Variants in LTBP3 observed in about 807,000 individuals in gnomAD.
LTBP3 encodes latent transforming growth factor beta binding protein 3.
A neutral mutation model predicts 159.7 loss-of-function variants in LTBP3; 97 were observed. The observed-to-expected ratio is 0.61, with a 90% confidence interval of 0.52 to 0.72. The LOEUF (loss-of-function observed/expected upper bound fraction) is 0.72. LTBP3 is among the 30% of genes least tolerant of loss of function. The pLI is 0.00. For missense variants in LTBP3, 1,584 were observed against 1,864.3 expected (o/e 0.85, Z 2.77); for synonymous variants, 824 against 777.1 (o/e 1.06, Z -1.00).
rs781562741 is a variant in LTBP3 at position 65,546,826 on chromosome 11, G to C, written c.2202C>G (p.Tyr734Ter). The C allele has an allele frequency of 1.2e-6, 2 of 1,608,526 alleles. No homozygotes were observed. Among genetic ancestry groups the C allele is most frequent in the Admixed American group, 3.3e-5 (2 of 60,026 alleles). ...SFKCIACQPG[Y>*]RSQGGGACRD... is the part of the protein sequence containing the mutation. ...GACAGGCCCCGCCCCCCTGGCTGCG[G>C]TAGCCAGGCTGACAGGCGATGCACT... Residue 734 changes from tyrosine to a stop codon, truncating the protein, a stop_gained, in exon 15 of 28, where the codon TAC becomes TAG. Transcript: ENST00000301873. LOFTEE classifies it high-confidence loss of function. The surrounding 1 kb of genome is among the most constrained non-coding windows in gnomAD (Gnocchi z 4.0).
chr11:65,540,322 C>T lies in LTBP3; in HGVS notation c.3167G>A (p.Gly1056Asp). The T allele has an allele frequency of 6.4e-7, 1 of 1,574,332 alleles. No homozygotes were observed. Among genetic ancestry groups the T allele is most frequent in the Non-Finnish European group, 8.6e-7 (1 of 1,160,806 alleles). ...GGGCGTGCAGGCACAGCGGTAGCCG[C>T]CGCGCGTGTTCTCACACACTCCGTT... ...CRNGVCENTR[G>D]GYRCACTPPA... The change falls in exon 23 of 28, where the codon GGC becomes GAC. Residue 1056 changes from glycine to aspartate, a missense_variant. This residue lies in a region of LTBP3 where 514 missense variants were observed against 530.3 expected (regional missense o/e 0.97). Transcript: ENST00000301873.
rs1420231832 is a variant in LTBP3 at position 65,540,725 on chromosome 11, C to CGGGGCCTACAGGAGGGGT, written c.2978-112_2978-111insACCCCTCCTGTAGGCCCC. 6.5e-5 allele frequency: 86 copies of CGGGGCCTACAGGAGGGGT among 1,326,002 alleles called. 1 individual carries two copies. The East Asian group carries it at 1.6e-3, about 25-fold the overall frequency. 82.1% of individuals were successfully genotyped at this position (1,326,002 alleles called of 1,614,324 possible). On this transcript the variant is annotated intron_variant, in intron 21 of 27. Transcript: ENST00000301873. ...CCCCGGGCGGGGCCTACAGGAGGGG[C>CGGGGCCTACAGGAGGGGT]GGGGCCTACAGGGCGGGGCCTGCGA...
chr11:65,552,020 C>G lies in LTBP3; in HGVS notation c.1483G>C (p.Glu495Gln), dbSNP rs1225515003. Reference protein sequence around the residue: ...DGPPKPQQLPESPSQAPPPED... With the variant: ...DGPPKPQQLPQSPSQAPPPED... Reference sequence around the variant, plus strand: ...GGTGGTGGAGCCTGGCTAGGGCTCTCCGGAAGCTGCTGGGGCTTGGGTGGC... The same window carrying G: ...GGTGGTGGAGCCTGGCTAGGGCTCTGCGGAAGCTGCTGGGGCTTGGGTGGC... Residue 495 changes from glutamate (E) to glutamine (Q), a missense_variant, in exon 8 of 28, where the codon GAG (glutamate) becomes CAG (glutamine). Coordinates refer to ENST00000301873, the MANE Select transcript of LTBP3 (RefSeq NM_001130144.3). This position sits in a 1 kb window ranked among gnomAD's most constrained non-coding sequence, Gnocchi z 6.0. The G allele has an allele frequency of 6.2e-7, 1 of 1,613,950 alleles. No homozygotes were observed. The highest frequency in any genetic ancestry group is 1.3e-5 in the African/African-American group (1 of 74,960).
chr11:65,546,463 G>A lies in LTBP3; in HGVS notation c.2332C>T (p.Pro778Ser). 6.3e-7 allele frequency: 1 copy of A among 1,577,234 alleles called. No individual in the cohort carries two copies. The highest frequency in any genetic ancestry group is 1.1e-5 in the South Asian group (1 of 88,176). The change falls in exon 16 of 28, where the codon CCC becomes TCC. Residue 778 changes from proline (P) to serine (S), a missense_variant. Pro to Ser is a moderately conservative substitution (Grantham distance 74). Coordinates refer to ENST00000301873, the MANE Select transcript of LTBP3 (RefSeq NM_001130144.3). This position sits in a 1 kb window ranked among gnomAD's most constrained non-coding sequence, Gnocchi z 4.0. ...CTCAQGYAPA[P>S]DGRSCLDVDE... Reference sequence around the variant, plus strand: ...TCACCCAAGCAACTGCGGCCGTCGGGCGCGGGCGCGTAGCCCTGGGCACAG... The same window carrying A: ...TCACCCAAGCAACTGCGGCCGTCGGACGCGGGCGCGTAGCCCTGGGCACAG...
Position 65,538,881 on chromosome 11 carries a change from G to T in LTBP3, c.*199C>A. On this transcript the variant is annotated 3_prime_UTR_variant, in exon 28 of 28. Coordinates refer to ENST00000301873, the MANE Select transcript of LTBP3 (RefSeq NM_001130144.3). ...ACCCTCTGGGAGGAAGGCAGGCAGCGCCCGCCGGAGACCTTACAACCGCCC... is the reference window on the plus strand; with the variant it reads ...ACCCTCTGGGAGGAAGGCAGGCAGCTCCCGCCGGAGACCTTACAACCGCCC... 1 of 1,030,932 alleles carries T rather than the reference G, an allele frequency of 9.7e-7. No homozygotes were observed. Among genetic ancestry groups the T allele is most frequent in the Non-Finnish European group, 1.3e-6 (1 of 769,550 alleles). 63.9% of individuals were successfully genotyped at this position (1,030,932 alleles called of 1,614,324 possible). A position where few individuals can be genotyped will look rare whatever the true frequency, so the allele number is the denominator to read the frequency against.
chr11:65,551,084 G>A, intron 11 of LTBP3, 42 bp downstream of exon 11: 1 of 1,492,084 alleles, frequency 6.7e-7, no homozygotes, highest in Non-Finnish European at 9.1e-7. Context: ...CTAAAGTGGG[G>A]GCGTGGCCTA....
In LTBP3 at chr11:65,553,318, G is replaced by C; in HGVS notation, c.971-62C>G. 1 of 1,276,590 alleles carries C rather than the reference G, an allele frequency of 7.8e-7. No individual in the cohort carries two copies. Among genetic ancestry groups the C allele is most frequent in the South Asian group, 1.2e-5 (1 of 85,116 alleles). 79.1% of individuals were successfully genotyped at this position (1,276,590 alleles called of 1,614,324 possible). A position where few individuals can be genotyped will look rare whatever the true frequency, so the allele number is the denominator to read the frequency against. On this transcript the variant is annotated intron_variant, in intron 4 of 27. Coordinates refer to ENST00000301873, the MANE Select transcript of LTBP3 (RefSeq NM_001130144.3). This position sits in a 1 kb window ranked among gnomAD's most constrained non-coding sequence, Gnocchi z 6.5. ...GAGGGAACTGGGGAGGGGCACAGCA[G>C]ATGTAGAGAGGAATCTGGTGACCTG...
chr11:65,541,021 G>A (rs1856112167), intron 20 of LTBP3, 67 bp from the exon 21 acceptor site: 3 of 1,581,086 alleles, frequency 1.9e-6, no homozygotes, highest in Non-Finnish European at 2.6e-6. Context: ...GCTTAGGGCT[G>A]CAGCCCGCCG....
At chr11:65,551,325 GA>G in intron 10 of LTBP3, 76 bp downstream of exon 10, 1 of 1,562,306 alleles carries the variant, frequency 6.4e-7, no homozygotes, top group Non-Finnish European at 8.7e-7. Flanking sequence ...GACTGTCCCC[GA>G]GTACTTAAAC....
Position 65,547,708 on chromosome 11 carries a change from C to G in LTBP3, c.1960G>C (p.Gly654Arg). 6.2e-7 allele frequency: 1 copy of G among 1,605,464 alleles called. No homozygotes were observed. Among genetic ancestry groups the G allele is most frequent in the Non-Finnish European group, 8.5e-7 (1 of 1,177,566 alleles). The change falls in exon 13 of 28, where the codon GGG (glycine) becomes CGG (arginine). Residue 654 changes from glycine (G) to arginine (R), a missense_variant. Coordinates refer to ENST00000301873, the MANE Select transcript of LTBP3 (RefSeq NM_001130144.3). This position sits in a 1 kb window ranked among gnomAD's most constrained non-coding sequence, Gnocchi z 4.6. ...CGCTCACCCACGCACGAGCGCCCCC[C>G]GGCGCCCACGTGCAGGCGGTAGCCG... ...NRGYRLHVGA[G>R]GRSCVDLNEC... is the part of the protein sequence containing the mutation.
chr11:65,548,246 C>T, intron 11 of LTBP3: 2 of 727,228 alleles, frequency 2.8e-6, no homozygotes, highest in South Asian at 1.7e-5. Context: ...GACTCCAGGC[C>T]CCTGACAGCC....
At position 65,539,428 on chromosome 11, in the gene LTBP3, C is replaced by T. The variant is rs1220570007; in HGVS notation, c.3660G>A (p.Glu1220=). 6.4e-7 allele frequency: 1 copy of T among 1,554,462 alleles called. No individual in the cohort carries two copies. Among genetic ancestry groups the T allele is most frequent in the Admixed American group, 1.9e-5 (1 of 51,378 alleles). ...DEDSSEEDSD[E]CRCVSGRCVP... ...CGCAGCGGCCACTCACGCAGCGACA[C>T]TCGTCTGAATCCTCCTCTGAACTGT... Residue 1220 remains glutamate (E), a synonymous_variant, in exon 27 of 28, where the codon GAG becomes GAA. Coordinates refer to ENST00000301873, the MANE Select transcript of LTBP3 (RefSeq NM_001130144.3).
chr11:65,540,271 C>T lies in LTBP3; in HGVS notation c.3218G>A (p.Arg1073His), dbSNP rs940533065. 2 of 1,553,140 alleles carry T rather than the reference C, an allele frequency of 1.3e-6. No homozygotes were observed. The highest frequency in any genetic ancestry group is 1.7e-6 in the Non-Finnish European group (2 of 1,148,272). ...CATCTCTTCCGGGCTCAGGCACTGG[C>T]GCTGCGCGGGACTGTACTCGGCAGG... ...TPPAEYSPAQRQCLSPEEMDV... is the reference protein window; with the variant it reads ...TPPAEYSPAQHQCLSPEEMDV... Residue 1073 changes from arginine (R) to histidine (H), a missense_variant, in exon 23 of 28, where the codon CGC becomes CAC. By Grantham distance (29) the Arg-to-His change is conservative. This residue lies in a region of LTBP3 where 514 missense variants were observed against 530.3 expected (regional missense o/e 0.97). Coordinates refer to ENST00000301873, the MANE Select transcript of LTBP3 (RefSeq NM_001130144.3).
rs2135152288 is a variant in LTBP3, at chr11:65,551,465, C to T, written c.1558G>A (p.Glu520Lys). Residue 520 changes from glutamate (E) to lysine (K), a missense_variant, in exon 10 of 28, where the codon GAG becomes AAG. This residue lies in a region of LTBP3 where 565 missense variants were observed against 677.7 expected (regional missense o/e 0.83). Coordinates refer to ENST00000301873, the MANE Select transcript of LTBP3 (RefSeq NM_001130144.3). ...RGVTTDSPVS[E>K]ERSVQQSHPT... is the part of the protein sequence containing the mutation. Reference sequence around the variant, plus strand: ...TGGCTCTGCTGCACTGACCTCTCCTCACTCACCGGCTGCGGGTGACAGCAG... The same window carrying T: ...TGGCTCTGCTGCACTGACCTCTCCTTACTCACCGGCTGCGGGTGACAGCAG... 2 of 1,614,042 alleles carry T rather than the reference C, an allele frequency of 1.2e-6. No homozygotes were observed. Among genetic ancestry groups the T allele is most frequent in the African/African-American group, 1.3e-5 (1 of 75,030 alleles).
At position 65,547,345 on chromosome 11, in the gene LTBP3, G is replaced by T; in HGVS notation, c.2107+94C>A. 1 of 1,326,796 alleles carries T rather than the reference G, an allele frequency of 7.5e-7. No homozygotes were observed. The highest frequency in any genetic ancestry group is 1.2e-5 in the South Asian group (1 of 80,314). 82.2% of individuals were successfully genotyped at this position (1,326,796 alleles called of 1,614,324 possible). ...GGCGACAGAGTGAGACTCCGTCTCG[G>T]GGGAAAAAAAAAAAAATGCAGGCAC... On this transcript the variant is annotated intron_variant, in intron 14 of 27. Transcript: ENST00000301873. This position sits in a 1 kb window ranked among gnomAD's most constrained non-coding sequence, Gnocchi z 4.6.
At position 65,538,672 on chromosome 11, in the gene LTBP3, C is replaced by CATA. The variant is rs753938828; in HGVS notation, c.*405_*407dup. On this transcript the variant is annotated 3_prime_UTR_variant, in exon 28 of 28. Coordinates refer to ENST00000301873, the MANE Select transcript of LTBP3 (RefSeq NM_001130144.3). ...GCCCAGCCAGGCCATCTCACGTGTA[C>CATA]ATAATCAGAGCCACAATAAATTCTA... 6.3e-4 allele frequency: 824 copies of CATA among 1,309,266 alleles called. No homozygotes were observed. Among genetic ancestry groups the CATA allele is most frequent in the Non-Finnish European group, 8.0e-4 (779 of 970,224 alleles). 81.1% of individuals were successfully genotyped at this position (1,309,266 alleles called of 1,614,324 possible). A position where few individuals can be genotyped will look rare whatever the true frequency, so the allele number is the denominator to read the frequency against.
chr11:65,554,043 C>T lies in LTBP3; in HGVS notation c.661+8G>A. ...GCGACCTTCCCGGGTTTGCCAGTTG[C>T]CTGGTACCTTCTGCTGAGATCTGTC... On this transcript the variant is annotated splice_region_variant and intron_variant, in intron 2 of 27. Coordinates refer to ENST00000301873, the MANE Select transcript of LTBP3 (RefSeq NM_001130144.3). This position sits in a 1 kb window ranked among gnomAD's most constrained non-coding sequence, Gnocchi z 5.3. 3.7e-6 allele frequency: 6 copies of T among 1,600,428 alleles called. No homozygotes were observed. The highest frequency in any genetic ancestry group is 5.1e-6 in the Non-Finnish European group (6 of 1,179,244).
chr11:65,553,223 C>A lies in LTBP3; in HGVS notation c.1004G>T (p.Gly335Val). The change falls in exon 5 of 28, where the codon GGG (glycine) becomes GTG (valine). Residue 335 changes from glycine (G) to valine (V), a missense_variant. Gly to Val is a moderately radical substitution (Grantham distance 109). Transcript: ENST00000301873. This position sits in a 1 kb window ranked among gnomAD's most constrained non-coding sequence, Gnocchi z 6.5. ...TGVQKPGPVR[G>V]EVGADCPQGY... ...CTGGGGACAGTCAGCGCCCACTTCC[C>A]CACGTACAGGCCCTGGCTTCTGCAC... is the stretch of plus-strand genomic sequence containing the variant. 6.2e-7 allele frequency: 1 copy of A among 1,614,142 alleles called. No homozygotes were observed. The highest frequency in any genetic ancestry group is 8.5e-7 in the Non-Finnish European group (1 of 1,180,022).
rs1856653712 is a variant in LTBP3 at position 65,552,686 on chromosome 11, T to G, written c.1186+174A>C. Among the ~76,000 whole-genome samples, 1 of 152,182 alleles carries G rather than the reference T, an allele frequency of 6.6e-6. No individual in the cohort carries two copies. The highest frequency in any genetic ancestry group is 2.1e-4 in the South Asian group (1 of 4,830). On this transcript the variant is annotated intron_variant, in intron 6 of 27. Coordinates refer to ENST00000301873, the MANE Select transcript of LTBP3 (RefSeq NM_001130144.3). This position sits in a 1 kb window ranked among gnomAD's most constrained non-coding sequence, Gnocchi z 6.0. ...TATGTAATCCCTGACCCCATGTGAC[T>G]GCTAATGGCAGATCTCATGTGACCC... is the stretch of plus-strand genomic sequence containing the variant.
Sources: gnomAD v4.1 joint callset for allele counts (sites outside exome capture counted in the v4.1 genomes callset) on GRCh38, gnomAD v4.1.1 for gene constraint, gnomAD v4.1.1 regional missense constraint, Gnocchi (gnomAD v3.1) non-coding constraint, MANE v1.5 for transcripts, NCBI Gene and HGNC (gene_info 2026-07-23, HGNC 2026-07-21) for gene names.